CRELD1: variants seen among roughly 807,000 people sequenced by gnomAD.
CRELD1 encodes the protein CRELD disulfide isomerase 1, also known as protein disulfide isomerase CRELD1.
Under a neutral mutation model 58.2 loss-of-function variants are expected in CRELD1, and 42 were observed. The observed-to-expected ratio is 0.72, with a 90% CI of 0.56 to 0.93. The LOEUF is 0.93. Among genes scored for constraint, CRELD1 ranks in the 40% least tolerant of loss-of-function variants. The pLI, the probability that CRELD1 is intolerant of heterozygous loss-of-function variation, is 0.00. For synonymous variants in CRELD1, 222 were observed against 202.0 expected (o/e 1.10, Z -0.84); for missense variants, 500 against 540.6 (o/e 0.92, Z 0.74).
chr3:9,934,795 C>CA (rs1176165251), intron 2 of CRELD1, 40 bp from the exon 3 acceptor site: 19 of 1,578,196 alleles, frequency 1.2e-5, no homozygotes, highest in Non-Finnish European at 1.6e-5. Context: ...TAGCATGTGC[C>CA]AGGCACTGTA....
At position 9,935,048 on chromosome 3, in the gene CRELD1, C is replaced by T. The variant is rs1575631908; in HGVS notation, c.257+131C>T. The stretch of plus-strand genomic sequence containing the variant: ...ATAGCACTGAACATCTATAGTATAG[C>T]AGTAAACAAGGCAAGCAAAATGCCC... On this transcript the variant is annotated intron_variant, in intron 3 of 10. Coordinates refer to ENST00000452070, the MANE Select transcript of CRELD1 (RefSeq NM_001077415.3). 21 of 771,862 alleles carry T rather than the reference C, an allele frequency of 2.7e-5. No homozygotes were observed. In the East Asian group the frequency reaches 5.4e-4, roughly 20 times the overall value. The allele number at this position is 771,862 out of a possible 1,614,324, so 47.8% of individuals were successfully genotyped here.
rs931237808 is a variant in CRELD1 at position 9,933,874 on chromosome 3, C to T, written c.-66C>T. 6.3e-6 allele frequency: 3 copies of T among 477,748 alleles called. No individual in the cohort carries two copies. The highest frequency in any genetic ancestry group is 4.0e-5 in the Admixed American group (1 of 24,724). 29.6% of individuals were successfully genotyped at this position (477,748 alleles called of 1,614,324 possible). On this transcript the variant is annotated 5_prime_UTR_variant, in exon 1 of 11. Transcript: ENST00000452070. ...CGCGGTGAGGAGACGGCCCACGGCG[C>T]CCGCGGGCTGGGGCGGTCGCTTCTT...
chr3:9,936,463 G>GTA (rs1161612929), intron 3 of CRELD1, among the ~76,000 whole-genome samples: 3 of 151,282 alleles, frequency 2.0e-5, no homozygotes, highest in East Asian at 1.9e-4. Flanking sequence ...ATATATGTGT[G>GTA]TATATATATG....
In CRELD1 at chr3:9,943,387, A is replaced by T; in HGVS notation, c.920A>T (p.Asp307Val). The change falls in exon 10 of 11, where the codon GAT becomes GTT. Residue 307 changes from aspartate to valine, a missense_variant. By Grantham distance (152) the Asp-to-Val change is radical. Transcript: ENST00000452070. ...ACCCCTCCCTCCCCTCAAGATGTGG[A>T]TGAGTGTGAGACAGAGGTGTGTCCG... ...QQVGSKCLDV[D>V]ECETEVCPGE... 6.2e-7 allele frequency: 1 copy of T among 1,613,846 alleles called. No homozygotes were observed. The highest frequency in any genetic ancestry group is 8.5e-7 in the Non-Finnish European group (1 of 1,179,952).
intron 4 of CRELD1, 110 bp downstream of exon 4, chr3:9,937,782 G>T: frequency 1.2e-6 from 1 of 853,600 alleles, no homozygotes; most frequent in Non-Finnish European, 1.9e-6. Context: ...TGTCCTGGTT[G>T]TGCTCCTTCC....
At chr3:9,944,072 G>C (rs920525858) in intron 10 of CRELD1, 1 of 800,058 alleles carries the variant, frequency 1.2e-6, no homozygotes, top group Non-Finnish European at 2.3e-6. Flanking sequence ...CAGACAGTCT[G>C]ACCGTGGAAC....
At chr3:9,941,873 G>A (rs2085379730) in intron 7 of CRELD1, among the ~76,000 whole-genome samples, 1 of 151,838 alleles carries the variant, frequency 6.6e-6, no homozygotes, top group East Asian at 1.9e-4. Flanking sequence ...GGAAACCTGG[G>A]TTCAAGACTT....
At chr3:9,942,528 C>T (rs771175663) in intron 7 of CRELD1, among the ~76,000 whole-genome samples, 1 of 152,126 alleles carries the variant, frequency 6.6e-6, no homozygotes, top group Admixed American at 6.5e-5. Context: ...TTGAGGAGTC[C>T]AAGCATTGTT....
chr3:9,944,510 G>T lies in CRELD1; in HGVS notation c.1194G>T (p.Ala398=). The change falls in exon 11 of 11, where the codon GCG becomes GCT. Residue 398 remains alanine, a synonymous_variant. Transcript: ENST00000452070. ...VFTAIFIGAV[A]AMTGYWLSER... ...CCGCCATCTTCATTGGGGCTGTGGC[G>T]GCCATGACTGGCTACTGGTTGTCAG... The T allele has an allele frequency of 6.2e-7, 1 of 1,612,582 alleles. No individual in the cohort carries two copies. Among genetic ancestry groups the T allele is most frequent in the South Asian group, 1.1e-5 (1 of 91,014 alleles).
intron 5 of CRELD1, among the ~76,000 whole-genome samples, chr3:9,940,229 C>T (rs7650290): frequency 6.6e-6 from 1 of 150,508 alleles, no homozygotes; most frequent in Non-Finnish European, 1.5e-5. Context: ...GACGATGGGC[C>T]GCCAGGCAGA....
chr3:9,934,046 C>T, intron 1 of CRELD1, 126 bp downstream of exon 1: 1 of 332,122 alleles, frequency 3.0e-6, no homozygotes. Context: ...CCGGACACCT[C>T]CCCCAAGACA....
At chr3:9,943,250 G>A (rs1008947024) in intron 9 of CRELD1, 78 bp downstream of exon 9, 24 of 1,588,394 alleles carry the variant, frequency 1.5e-5, no homozygotes, top group Non-Finnish European at 1.8e-5. Context: ...TGGAATATGG[G>A]CAGGTGGGGG....
chr3:9,937,819 G>A (rs1273598300), intron 4 of CRELD1, 147 bp downstream of exon 4: 30 of 774,284 alleles, frequency 3.9e-5, no homozygotes, highest in Middle Eastern at 3.4e-4. Flanking sequence ...AGAACTTGCC[G>A]GGGGACTTGC....
At position 9,937,584 on chromosome 3, in the gene CRELD1, C is replaced by T; in HGVS notation, c.280C>T (p.Leu94=). The T allele has an allele frequency of 6.2e-7, 1 of 1,612,084 alleles. No individual in the cohort carries two copies. The highest frequency in any genetic ancestry group is 8.5e-7 in the Non-Finnish European group (1 of 1,179,570). Residue 94 remains leucine, a synonymous_variant, in exon 4 of 11, where the codon CTG becomes TTG. Transcript: ENST00000452070. The part of the protein sequence containing the change: ...KDSETRLVEV[L]EGVCSKSDFE... ...CAGTGAGACCCGCCTGGTAGAGGTG[C>T]TGGAGGGTGTGTGCAGCAAGTCAGA...
chr3:9,943,548 A>G, intron 10 of CRELD1, 33 bp downstream of exon 10: 1 of 1,613,734 alleles, frequency 6.2e-7, no homozygotes, highest in Non-Finnish European at 8.5e-7. Flanking sequence ...GGAGGTCCTC[A>G]TTCAAAGAGA....
intron 7 of CRELD1, 34 bp from the exon 8 acceptor site, chr3:9,942,779 G>C: frequency 1.3e-6 from 2 of 1,557,656 alleles, no homozygotes; most frequent in Non-Finnish European, 1.8e-6. Flanking sequence ...ACTAAATAGG[G>C]ATTGAAATTC....
Position 9,944,717 on chromosome 3 carries a change from C to T in CRELD1, c.*138C>T, listed in dbSNP as rs981970921. 6 of 816,674 alleles carry T rather than the reference C, an allele frequency of 7.3e-6. No homozygotes were observed. The African/African-American group carries it at 8.4e-5, about 11-fold the overall frequency. 50.6% of individuals were successfully genotyped at this position (816,674 alleles called of 1,614,324 possible). A position where few individuals can be genotyped will look rare whatever the true frequency, so the allele number is the denominator to read the frequency against. Reference sequence around the variant, plus strand: ...ACCCCTACCTGCCTTACAGAGCAGCCCAGGTACCCAGGCCCGGGCAGACAA... The same window carrying T: ...ACCCCTACCTGCCTTACAGAGCAGCTCAGGTACCCAGGCCCGGGCAGACAA... On this transcript the variant is annotated 3_prime_UTR_variant, in exon 11 of 11. Transcript: ENST00000452070.
At chr3:9,941,229 C>A (rs2085358234) in intron 7 of CRELD1, 23 bp downstream of exon 7, 2 of 1,601,310 alleles carry the variant, frequency 1.2e-6, no homozygotes, top group South Asian at 2.2e-5. Flanking sequence ...CTAGCTAGGT[C>A]TGGGAAGATG....
rs1474267385 is a variant in CRELD1, at chr3:9,943,394, T to G, written c.927T>G (p.Cys309Trp). ...CCTCCCCTCAAGATGTGGATGAGTG[T>G]GAGACAGAGGTGTGTCCGGGAGAGA... Reference protein sequence around the residue: ...VGSKCLDVDECETEVCPGENK... With the variant: ...VGSKCLDVDEWETEVCPGENK... The change falls in exon 10 of 11, where the codon TGT (cysteine) becomes TGG (tryptophan). Residue 309 changes from cysteine to tryptophan, a missense_variant. By Grantham distance (215) the Cys-to-Trp change is radical. Transcript: ENST00000452070. The G allele has an allele frequency of 6.2e-7, 1 of 1,613,776 alleles. No homozygotes were observed. Among genetic ancestry groups the G allele is most frequent in the Non-Finnish European group, 8.5e-7 (1 of 1,179,952 alleles).
Sources: gnomAD v4.1 joint callset for allele counts (sites outside exome capture counted in the v4.1 genomes callset) on GRCh38, gnomAD v4.1.1 for gene constraint, MANE v1.5 for transcripts, NCBI Gene and HGNC (gene_info 2026-07-23, HGNC 2026-07-21) for gene names.